The following TVP23B variants were observed in gnomAD, a reference collection of about 807,000 sequenced individuals.
TVP23B encodes the protein trans-golgi network vesicle protein 23 homolog B.
Under a neutral mutation model 30.6 loss-of-function variants are expected in TVP23B, and 10 were observed. The ratio of observed to expected loss-of-function variants is 0.33; its 90% CI spans 0.20 to 0.55. The LOEUF (loss-of-function observed/expected upper bound fraction) is 0.55. Ranked by LOEUF, TVP23B falls within the 20% of genes least tolerant of loss-of-function variation. TVP23B has a pLI of 0.91. For synonymous variants in TVP23B, 67 were observed against 83.1 expected (o/e 0.81, Z 1.06); for missense variants, 153 against 243.2 (o/e 0.63, Z 2.47).
chr17:18,794,572 G>C (rs1275853557), intron 3 of TVP23B, among the ~76,000 whole-genome samples: 1 of 151,952 alleles, frequency 6.6e-6, no homozygotes, highest in Non-Finnish European at 1.5e-5. Context: ...ACAAGAAAGA[G>C]GGAAAATAAT....
At chr17:18,788,479 TG>T (rs1430478748) in intron 1 of TVP23B, among the ~76,000 whole-genome samples, 1 of 152,024 alleles carries the variant, frequency 6.6e-6, no homozygotes, top group Non-Finnish European at 1.5e-5. Flanking sequence ...ATGCATATGC[TG>T]ATTAGAAAGA....
rs574978545 is a variant in TVP23B at position 18,797,340 on chromosome 17, T to C, written c.241-239T>C. ...ATTGTTCATGAGGGAAAAGAGAAGG[T>C]GTAATGTTTATGGGTGGACTTGTTG... On this transcript the variant is annotated intron_variant, in intron 3 of 6. Coordinates refer to ENST00000307767, the MANE Select transcript of TVP23B (RefSeq NM_016078.6). The C allele has an allele frequency of 7.7e-4, 369 of 480,648 alleles. 3 individuals are homozygous for C. Among genetic ancestry groups the C allele is most frequent in the South Asian group, 6.0e-3 (269 of 44,624 alleles). 29.8% of individuals were successfully genotyped at this position (480,648 alleles called of 1,614,324 possible).
At chr17:18,795,064 C>T (rs1396801727) in intron 3 of TVP23B, among the ~76,000 whole-genome samples, 1 of 102,720 alleles carries the variant, frequency 9.7e-6, no homozygotes, top group Non-Finnish European at 1.8e-5. Flanking sequence ...CTTGCTTTGT[C>T]ACCCAAGCTG....
At chr17:18,802,638 T>C (rs1405891309) in intron 5 of TVP23B, among the ~76,000 whole-genome samples, 1 of 152,166 alleles carries the variant, frequency 6.6e-6, no homozygotes, top group Non-Finnish European at 1.5e-5. Flanking sequence ...TTTGTTGGTA[T>C]TAGTTTATTT....
rs1173020403 is a variant in TVP23B, at chr17:18,787,013, G to A, written c.13-2340G>A. Among the ~76,000 whole-genome samples, 16 of 147,926 alleles carry A rather than the reference G, an allele frequency of 1.1e-4. No homozygotes were observed. In the East Asian group the frequency reaches 2.0e-3, roughly 18 times the overall value. ...TGATCACAGTCAGCTGTATATTATC[G>A]TCTCCTTTGCTTATTTACTCATGCC... On this transcript the variant is annotated intron_variant, in intron 1 of 6. Coordinates refer to ENST00000307767, the MANE Select transcript of TVP23B (RefSeq NM_016078.6).
At chr17:18,785,901 C>T (rs1182554252) in intron 1 of TVP23B, among the ~76,000 whole-genome samples, 2 of 151,840 alleles carry the variant, frequency 1.3e-5, no homozygotes, top group Non-Finnish European at 2.9e-5. Flanking sequence ...GCTACTGCGG[C>T]AGTGAAGTCA....
intron 5 of TVP23B, among the ~76,000 whole-genome samples, chr17:18,802,224 AAAAT>A (rs1434845779): frequency 6.6e-6 from 1 of 152,180 alleles, no homozygotes; most frequent in Non-Finnish European, 1.5e-5. Flanking sequence ...TCCATCTCAA[AAAAT>A]AAATAAATAA....
In TVP23B at chr17:18,806,034, A is replaced by C. The variant is rs2151854083; in HGVS notation, c.*467A>C. On this transcript the variant is annotated 3_prime_UTR_variant, in exon 7 of 7. Coordinates refer to ENST00000307767, the MANE Select transcript of TVP23B (RefSeq NM_016078.6). ...ATGGTAAGAGTGAGCACTTTGGCTTATGTATAAGTTAGAAATAATTGTTAG... is the reference window on the plus strand; with the variant it reads ...ATGGTAAGAGTGAGCACTTTGGCTTCTGTATAAGTTAGAAATAATTGTTAG... The C allele has an allele frequency of 1.0e-6, 1 of 974,794 alleles. No homozygotes were observed. Among genetic ancestry groups the C allele is most frequent in the East Asian group, 1.1e-4 (1 of 8,782 alleles). The allele number at this position is 974,794 out of a possible 1,614,324, so 60.4% of individuals were successfully genotyped here. A position where few individuals can be genotyped will look rare whatever the true frequency, so the allele number is the denominator to read the frequency against.
intron 1 of TVP23B, chr17:18,782,350 AC>A (rs1301529520): frequency 2.6e-5 from 4 of 151,620 alleles, no homozygotes; most frequent in African/African-American, 9.7e-5. Context: ...TACTAAAAAT[AC>A]AAAAATTAGT....
chr17:18,781,486 T>C (rs1021644213), intron 1 of TVP23B, 181 bp downstream of exon 1: 31 of 1,191,456 alleles, frequency 2.6e-5, no homozygotes, highest in Non-Finnish European at 3.3e-5. Context: ...CTGAGGCCGC[T>C]GGGGGCGGCG....
chr17:18,799,947 T>C (rs1161134336), intron 5 of TVP23B, among the ~76,000 whole-genome samples: 1 of 152,158 alleles, frequency 6.6e-6, no homozygotes, highest in African/African-American at 2.4e-5. Context: ...GCTTATTGTC[T>C]TTTTTCAGTT....
intron 5 of TVP23B, among the ~76,000 whole-genome samples, chr17:18,800,707 C>T (rs2036149504): frequency 1.3e-5 from 2 of 151,788 alleles, no homozygotes; most frequent in African/African-American, 2.4e-5. Flanking sequence ...GGAGTCTGTG[C>T]CTTTCTGACA....
rs562318166 is a variant in TVP23B at position 18,784,093 on chromosome 17, C to T, written c.12+2788C>T. On this transcript the variant is annotated intron_variant, in intron 1 of 6. Coordinates refer to ENST00000307767, the MANE Select transcript of TVP23B (RefSeq NM_016078.6). The stretch of plus-strand genomic sequence containing the variant: ...CTGGGAGGCGGAGCTTGCAGTGAGC[C>T]GAGATCGCGCCACTGCACTCCAGCC... 5.9e-5 allele frequency among the ~76,000 whole-genome samples: 9 copies of T among 152,184 alleles called. No homozygotes were observed. In the South Asian group the frequency reaches 1.4e-3, roughly 25 times the overall value.
At chr17:18,792,123 T>C (rs2036005946) in intron 3 of TVP23B, among the ~76,000 whole-genome samples, 1 of 151,882 alleles carries the variant, frequency 6.6e-6, no homozygotes, top group Admixed American at 6.6e-5. Flanking sequence ...AACCTCTGCC[T>C]CCTGGGTTCA....
chr17:18,785,229 T>G (rs573686031), intron 1 of TVP23B, among the ~76,000 whole-genome samples: 1 of 152,244 alleles, frequency 6.6e-6, no homozygotes, highest in African/African-American at 2.4e-5. Flanking sequence ...CTCCAATGGA[T>G]CTCCCTTTCA....
chr17:18,789,643 C>G (rs550824020), intron 2 of TVP23B: 57 of 527,790 alleles, frequency 1.1e-4, no homozygotes, highest in African/African-American at 1.1e-3. Flanking sequence ...GTTTTAAAAT[C>G]AGCAAATCCA....
chr17:18,794,525 C>G (rs1230047656), intron 3 of TVP23B, among the ~76,000 whole-genome samples: 1 of 151,942 alleles, frequency 6.6e-6, no homozygotes, highest in African/African-American at 2.4e-5. Context: ...AAACTGAATT[C>G]AGAGGGAAAA....
chr17:18,785,175 T>C (rs2035882841), intron 1 of TVP23B, among the ~76,000 whole-genome samples: 1 of 152,296 alleles, frequency 6.6e-6, no homozygotes, highest in African/African-American at 2.4e-5. Flanking sequence ...CAGAATTCTC[T>C]TTCTAACAGG....
chr17:18,785,915 G>A (rs2035898669), intron 1 of TVP23B, among the ~76,000 whole-genome samples: 1 of 152,022 alleles, frequency 6.6e-6, no homozygotes, highest in Admixed American at 6.6e-5. Context: ...GAAGTCATAT[G>A]TACTGTTGTA....
Sources: allele counts gnomAD v4.1 joint callset (sites outside exome capture counted in the v4.1 genomes callset), GRCh38; gene constraint gnomAD v4.1.1; transcripts MANE v1.5; gene names NCBI Gene and HGNC (gene_info 2026-07-23, HGNC 2026-07-21).